Variants in TXNRD2 observed in about 807,000 individuals in gnomAD.
TXNRD2 encodes the protein thioredoxin reductase 2, mitochondrial.
TXNRD2 carries 67 observed loss-of-function variants against 70.8 expected under a neutral mutation model. The observed-to-expected ratio is 0.95, with a 90% CI of 0.78 to 1.16. The LOEUF (loss-of-function observed/expected upper bound fraction) is 1.16, where lower values mean the gene tolerates loss of function less well. Ranked by LOEUF, TXNRD2 falls within the 50% of genes most tolerant of loss-of-function variation. TXNRD2 has a pLI of 0.00. For synonymous variants in TXNRD2, 301 were observed against 295.8 expected, an observed-to-expected ratio of 1.02 and a Z score of -0.18; for missense variants, 644 against 719.9, an observed-to-expected ratio of 0.89 and a Z score of 1.21.
chr22:19,920,053 G>A (rs1490566940), intron 2 of TXNRD2, among the ~76,000 whole-genome samples: 1 of 152,142 alleles, frequency 6.6e-6, no homozygotes, highest in Non-Finnish European at 1.5e-5. Flanking sequence ...GCTCTCCCTT[G>A]CCCCTTCCCA....
intron 1 of TXNRD2, among the ~76,000 whole-genome samples, chr22:19,936,841 G>T (rs888397316): frequency 2.0e-5 from 3 of 152,112 alleles, no homozygotes; most frequent in African/African-American, 7.2e-5. Context: ...TCATGTGCCT[G>T]CTCTTGAAAC....
intron 16 of TXNRD2, 31 bp downstream of exon 16, chr22:19,878,059 C>T (rs369539445): frequency 2.0e-5 from 31 of 1,583,526 alleles, no homozygotes; most frequent in Non-Finnish European, 2.1e-5. Context: ...AGCTGCACAT[C>T]GCATCGCAGC....
At chr22:19,930,252 G>A (rs2146087825) in intron 2 of TXNRD2, among the ~76,000 whole-genome samples, 1 of 152,282 alleles carries the variant, frequency 6.6e-6, no homozygotes, top group African/African-American at 2.4e-5. Context: ...GAGAAGCACA[G>A]CTTCAGGGCC....
At chr22:19,889,126 G>A (rs138544625) in intron 11 of TXNRD2, among the ~76,000 whole-genome samples, 49 of 152,224 alleles carry the variant, frequency 3.2e-4, no homozygotes, top group Middle Eastern at 3.4e-3. Context: ...TCATACCCAG[G>A]GCGGCTCCTT....
intron 13 of TXNRD2, 149 bp downstream of exon 13, chr22:19,880,471 CGT>C (rs761189443): frequency 1.4e-4 from 120 of 854,186 alleles, no homozygotes; most frequent in Non-Finnish European, 2.0e-4. Flanking sequence ...TGCACACACA[CGT>C]GTGTACAACA....
intron 11 of TXNRD2, 115 bp downstream of exon 11, chr22:19,895,292 C>T (rs1443599897): frequency 1.4e-5 from 23 of 1,594,858 alleles, no homozygotes; most frequent in Middle Eastern, 1.7e-4. Flanking sequence ...GCGGCCAACC[C>T]GCCTGGCAGC....
At chr22:19,897,377 T>A (rs569823185) in intron 10 of TXNRD2, among the ~76,000 whole-genome samples, 1 of 152,170 alleles carries the variant, frequency 6.6e-6, no homozygotes, top group Non-Finnish European at 1.5e-5. Context: ...TCATGGAGTG[T>A]TTGACATCTC....
At chr22:19,888,495 G>A (rs370117704) in intron 11 of TXNRD2, among the ~76,000 whole-genome samples, 17 of 152,208 alleles carry the variant, frequency 1.1e-4, no homozygotes, top group Admixed American at 2.6e-4. Context: ...TTTCACGCCC[G>A]CCTGGGACAC....
rs1938600617 is a variant in TXNRD2, at chr22:19,878,277, G to A, written c.1347+89C>T. The A allele has an allele frequency of 4.4e-6, 7 of 1,593,176 alleles. No individual in the cohort carries two copies. In the Admixed American group the frequency reaches 8.3e-5, roughly 19 times the overall value. Reference sequence around the variant, plus strand: ...CCCTGCACCCTGCCTGGGAGGCATGGGTGGGGCCAGTCCTCGGGTGTTCAC... The same window carrying A: ...CCCTGCACCCTGCCTGGGAGGCATGAGTGGGGCCAGTCCTCGGGTGTTCAC... On this transcript the variant is annotated intron_variant, in intron 15 of 17. Transcript: ENST00000400521.
intron 2 of TXNRD2, among the ~76,000 whole-genome samples, chr22:19,925,365 A>G (rs1480467571): frequency 1.3e-5 from 2 of 151,858 alleles, no homozygotes; most frequent in Non-Finnish European, 2.9e-5. Context: ...AGCTGAGAGA[A>G]TTCATTACCC....
rs886038873 is a variant in TXNRD2, at chr22:19,878,134, G to A, written c.1401C>T (p.Gly467=). The A allele has an allele frequency of 8.7e-6, 14 of 1,613,324 alleles. No individual in the cohort carries two copies. Among genetic ancestry groups the A allele is most frequent in the African/African-American group, 1.3e-5 (1 of 74,926 alleles). The part of the protein sequence containing the change: ...PQLVLGLHFL[G]PNAGEVTQGF... Reference sequence around the variant, plus strand: ...CTTGAGTAACTTCGCCTGCGTTGGGGCCAAGGAAATGCAGGCCCAGCACCA... The same window carrying A: ...CTTGAGTAACTTCGCCTGCGTTGGGACCAAGGAAATGCAGGCCCAGCACCA... Residue 467 remains glycine (G), a synonymous_variant, in exon 16 of 18, where the codon GGC becomes GGT. Coordinates refer to ENST00000400521, the MANE Select transcript of TXNRD2 (RefSeq NM_006440.5).
At chr22:19,907,419 A>G (rs62222124) in intron 8 of TXNRD2, among the ~76,000 whole-genome samples, 18 of 7,492 alleles carry the variant, frequency 2.4e-3, no homozygotes, top group Admixed American at 2.3e-3. Context: ...GGCGCACCGT[A>G]AGTAGCAGTG....
intron 11 of TXNRD2, chr22:19,894,236 G>A (rs982990245): frequency 3.9e-5 from 6 of 152,278 alleles, no homozygotes; most frequent in African/African-American, 1.4e-4. Context: ...GAGACACACA[G>A]TGAAGGGTGA....
intron 2 of TXNRD2, among the ~76,000 whole-genome samples, chr22:19,920,909 T>G (rs1459120762): frequency 6.6e-6 from 1 of 152,128 alleles, no homozygotes; most frequent in Non-Finnish European, 1.5e-5. Flanking sequence ...GAGAACATCC[T>G]GGCTAACACG....
At chr22:19,930,987 T>C (rs1239579205) in intron 2 of TXNRD2, 43 bp downstream of exon 2, 2 of 1,595,968 alleles carry the variant, frequency 1.3e-6, no homozygotes, top group South Asian at 2.2e-5. Context: ...CTAGGGGCCC[T>C]AAAAGCTTCG....
At chr22:19,940,371 T>C (rs1049795832) in intron 1 of TXNRD2, among the ~76,000 whole-genome samples, 3 of 152,142 alleles carry the variant, frequency 2.0e-5, no homozygotes, top group East Asian at 1.9e-4. Context: ...AGACTACTTA[T>C]TTTATTTCTT....
At chr22:19,914,252 A>C (rs1940535223) in intron 7 of TXNRD2, among the ~76,000 whole-genome samples, 1 of 152,220 alleles carries the variant, frequency 6.6e-6, no homozygotes, top group Non-Finnish European at 1.5e-5. Flanking sequence ...CCTAAGTGTA[A>C]CCCAAGAGAA....
Position 19,915,853 on chromosome 22 carries a change from A to G in TXNRD2, c.450-10T>C. On this transcript the variant is annotated splice_polypyrimidine_tract_variant and intron_variant, in intron 5 of 17. Coordinates refer to ENST00000400521, the MANE Select transcript of TXNRD2 (RefSeq NM_006440.5). The stretch of plus-strand genomic sequence containing the variant: ...AAAGTACTTGACTTTTCTGAAAGAT[A>G]AAGATAAGATTTTCAAACACTTCCT... 6.2e-7 allele frequency: 1 copy of G among 1,613,114 alleles called. No individual in the cohort carries two copies. Among genetic ancestry groups the G allele is most frequent in the Non-Finnish European group, 8.5e-7 (1 of 1,179,190 alleles).
rs116818487 is a variant in TXNRD2 at position 19,931,505 on chromosome 22, C to T, written c.104-407G>A. Among the ~76,000 whole-genome samples, 555 of 152,208 alleles carry T rather than the reference C, an allele frequency of 3.6e-3. 6 individuals are homozygous for T. The highest frequency in any genetic ancestry group is 0.013 in the African/African-American group (537 of 41,524). On this transcript the variant is annotated intron_variant, in intron 1 of 17. Transcript: ENST00000400521. ...GAGGGATGAAAGGTGAGAAGGAACA[C>T]GGTCAGCACAGGGCTGGGACATAGA...
Sources: gnomAD v4.1 joint callset for allele counts (sites outside exome capture counted in the v4.1 genomes callset) on GRCh38, gnomAD v4.1.1 for gene constraint, MANE v1.5 for transcripts, NCBI Gene and HGNC (gene_info 2026-07-23, HGNC 2026-07-21) for gene names.